The following EDNRB variants were observed in gnomAD, a reference collection of about 807,000 sequenced individuals.
The protein encoded by EDNRB is Hirschsprung disease 2.
In EDNRB, 18 loss-of-function variants were observed where a neutral mutation model predicts 46.4. The observed-to-expected ratio is 0.39, with a 90% confidence interval of 0.27 to 0.57. The LOEUF (loss-of-function observed/expected upper bound fraction) is 0.57, where lower values mean the gene tolerates loss of function less well. EDNRB is among the 20% of genes least tolerant of loss of function. The pLI is 0.61. For missense variants in EDNRB, 434 were observed against 537.5 expected (o/e 0.81, Z 1.90); for synonymous variants, 213 against 204.9 (o/e 1.04, Z -0.34).
intron 1 of EDNRB, among the ~76,000 whole-genome samples, chr13:77,904,638 G>A (rs373587585): frequency 7.9e-5 from 12 of 151,144 alleles, no homozygotes; most frequent in South Asian, 2.1e-4. Flanking sequence ...ATATGTACAC[G>A]TATATATTTC....
Position 77,896,512 on chromosome 13 carries a change from T to G in EDNRB, c.*1688A>C. ...GTTTACTGTACCATCACATTCAATATTGACAGAAAACAACATTACTAGCTT... is the reference window on the plus strand; with the variant it reads ...GTTTACTGTACCATCACATTCAATAGTGACAGAAAACAACATTACTAGCTT... On this transcript the variant is annotated 3_prime_UTR_variant, in exon 7 of 7. Coordinates refer to ENST00000646607, the MANE Select transcript of EDNRB (RefSeq NM_001122659.3). 2 of 1,580,110 alleles carry G rather than the reference T, an allele frequency of 1.3e-6. No homozygotes were observed. The highest frequency in any genetic ancestry group is 1.7e-6 in the Non-Finnish European group (2 of 1,160,920).
Position 77,896,700 on chromosome 13 carries a change from G to A in EDNRB, c.*1500C>T, listed in dbSNP as rs200972084. The A allele has an allele frequency of 3.6e-5, 52 of 1,428,628 alleles. No individual in the cohort carries two copies. Among genetic ancestry groups the A allele is most frequent in the East Asian group, 2.7e-5 (1 of 37,608 alleles). 88.5% of individuals were successfully genotyped at this position (1,428,628 alleles called of 1,614,324 possible). ...CAAAATCAGGACCTTTTGCATTGAT[G>A]TGACGAGGCAATGACGAACGTTAGG... On this transcript the variant is annotated 3_prime_UTR_variant, in exon 7 of 7. Coordinates refer to ENST00000646607, the MANE Select transcript of EDNRB (RefSeq NM_001122659.3).
intron 1 of EDNRB, among the ~76,000 whole-genome samples, chr13:77,910,658 G>A (rs1015174291): frequency 6.6e-6 from 1 of 151,998 alleles, no homozygotes; most frequent in African/African-American, 2.4e-5. Context: ...ATTAGCCTAT[G>A]TGAGTTAGAA....
rs1879949495 is a variant in EDNRB at position 77,918,681 on chromosome 13, T to C, written c.-108A>G. The stretch of plus-strand genomic sequence containing the variant: ...ACTTGGGTCAGCTGCCCGAGCCAAG[T>C]CGCTGCAAACGCTAATACCGCCCGC... On this transcript the variant is annotated 5_prime_UTR_variant, in exon 1 of 7. Coordinates refer to ENST00000646607, the MANE Select transcript of EDNRB (RefSeq NM_001122659.3). The surrounding 1 kb of genome is among the most constrained non-coding windows in gnomAD (Gnocchi z 4.5). 6.9e-7 allele frequency: 1 copy of C among 1,444,704 alleles called. No individual in the cohort carries two copies. Among genetic ancestry groups the C allele is most frequent in the African/African-American group, 1.4e-5 (1 of 69,974 alleles). 89.5% of individuals were successfully genotyped at this position (1,444,704 alleles called of 1,614,324 possible). A position where few individuals can be genotyped will look rare whatever the true frequency, so the allele number is the denominator to read the frequency against.
At chr13:77,911,176 A>G (rs1408691705) in intron 1 of EDNRB, among the ~76,000 whole-genome samples, 1 of 152,072 alleles carries the variant, frequency 6.6e-6, no homozygotes, top group African/African-American at 2.4e-5. Flanking sequence ...TAGTTCACTT[A>G]TCTGAGCTGG....
intron 1 of EDNRB, among the ~76,000 whole-genome samples, chr13:77,952,856 G>C (rs1045080979): frequency 6.6e-6 from 1 of 152,096 alleles, no homozygotes; most frequent in Non-Finnish European, 1.5e-5. Flanking sequence ...TGGAGGCCTT[G>C]ACCCCAGGCA....
chr13:77,974,913 G>C (rs12720111), intron 1 of EDNRB, among the ~76,000 whole-genome samples: 1 of 151,990 alleles, frequency 6.6e-6, no homozygotes, highest in East Asian at 1.9e-4. Context: ...ATAGTTCCTA[G>C]TAGGGTGGGC....
At chr13:77,957,021 T>C (rs1881260967) in intron 1 of EDNRB, among the ~76,000 whole-genome samples, 1 of 152,238 alleles carries the variant, frequency 6.6e-6, no homozygotes, top group South Asian at 2.1e-4. Flanking sequence ...AGGAGCCCAT[T>C]ATTCTACCTA....
chr13:77,973,278 T>C (rs1197886602), intron 1 of EDNRB, among the ~76,000 whole-genome samples: 3 of 152,222 alleles, frequency 2.0e-5, no homozygotes, highest in Non-Finnish European at 4.4e-5. Context: ...TTATACCAGA[T>C]AAGTTAAATT....
chr13:77,912,796 G>T (rs1304888210), intron 1 of EDNRB, among the ~76,000 whole-genome samples: 2 of 152,004 alleles, frequency 1.3e-5, no homozygotes, highest in Non-Finnish European at 2.9e-5. Context: ...TTCCACTTTT[G>T]GTTCAGAATG....
intron 1 of EDNRB, among the ~76,000 whole-genome samples, chr13:77,925,216 A>C (rs986886459): frequency 1.3e-5 from 2 of 152,268 alleles, no homozygotes; most frequent in African/African-American, 4.8e-5. Context: ...ATGGTGTAGC[A>C]TATGACAGGC....
intron 1 of EDNRB, among the ~76,000 whole-genome samples, chr13:77,907,222 C>T (rs1190405154): frequency 2.6e-5 from 4 of 151,934 alleles, no homozygotes; most frequent in African/African-American, 9.7e-5. Context: ...AATTTGTGGA[C>T]TCAGAACAGC....
chr13:77,971,212 T>G (rs1881719560), intron 1 of EDNRB, among the ~76,000 whole-genome samples: 1 of 152,254 alleles, frequency 6.6e-6, no homozygotes, highest in Admixed American at 6.5e-5. Flanking sequence ...TGTTGTAAAC[T>G]TCAATGGTGA....
At chr13:77,964,960 G>C (rs1255117614) in intron 1 of EDNRB, among the ~76,000 whole-genome samples, 3 of 152,134 alleles carry the variant, frequency 2.0e-5, no homozygotes, top group African/African-American at 7.2e-5. Context: ...CACTTGATGA[G>C]AGATGGATCC....
At chr13:77,930,043 G>T (rs776556147) in intron 1 of EDNRB, among the ~76,000 whole-genome samples, 1 of 152,144 alleles carries the variant, frequency 6.6e-6, no homozygotes, top group Non-Finnish European at 1.5e-5. Context: ...TGGAATTCTC[G>T]TAGTTATGGA....
chr13:77,918,836 C>T (rs1879961191), upstream of EDNRB: 4 of 1,294,786 alleles, frequency 3.1e-6, no homozygotes, highest in Admixed American at 3.7e-5. The surrounding 1 kb of genome is among the most constrained non-coding windows in gnomAD (Gnocchi z 4.5). Context: ...TTTCTTCCCC[C>T]GCGTGGCCAG....
chr13:77,963,091 C>A (rs147967814), intron 1 of EDNRB, among the ~76,000 whole-genome samples: 5,663 of 152,214 alleles, frequency 0.037, 343 homozygotes, highest in African/African-American at 0.13. Flanking sequence ...TCAAGGAGAA[C>A]TACAAACCAC....
At chr13:77,960,070 C>G (rs962183887) in intron 1 of EDNRB, among the ~76,000 whole-genome samples, 1 of 152,136 alleles carries the variant, frequency 6.6e-6, no homozygotes, top group Non-Finnish European at 1.5e-5. Flanking sequence ...GATTGGTGTA[C>G]CTGAAAGTGA....
At chr13:77,953,616 G>T (rs1334607779) in intron 1 of EDNRB, among the ~76,000 whole-genome samples, 1 of 152,128 alleles carries the variant, frequency 6.6e-6, no homozygotes, top group Non-Finnish European at 1.5e-5. Context: ...AACCTTAAAA[G>T]TAGAGCAAAT....
Sources: gnomAD v4.1 joint callset for allele counts (sites outside exome capture counted in the v4.1 genomes callset) on GRCh38, gnomAD v4.1.1 for gene constraint, Gnocchi (gnomAD v3.1) non-coding constraint, MANE v1.5 for transcripts, NCBI Gene and HGNC (gene_info 2026-07-23, HGNC 2026-07-21) for gene names.